Variants in RABL3 observed in about 807,000 individuals in gnomAD.
The protein encoded by RABL3 is RAB, member of RAS oncogene family like 3, also known as rab-like protein 3.
Under a neutral mutation model 31.8 loss-of-function variants are expected in RABL3, and 31 were observed. The observed-to-expected ratio is 0.97, with a 90% CI of 0.73 to 1.31. The LOEUF is 1.31. RABL3 is among the 40% of genes most tolerant of loss of function. The probability of loss-of-function intolerance (pLI) is 0.00; values close to 1 mark genes in which losing one functional copy is unlikely to be tolerated. For missense variants in RABL3, 263 were observed against 279.6 expected, an observed-to-expected ratio of 0.94 and a Z score of 0.42; for synonymous variants, 97 against 99.9, an observed-to-expected ratio of 0.97 and a Z score of 0.18.
At chr3:120,722,259 T>G (rs1390001595) in intron 2 of RABL3, 1 of 152,156 alleles carries the variant, frequency 6.6e-6, no homozygotes, top group Non-Finnish European at 1.5e-5. Flanking sequence ...TTAGAGTGGT[T>G]ATGTGGCTGC....
intron 4 of RABL3, among the ~76,000 whole-genome samples, chr3:120,704,930 G>A (rs1321596645): frequency 1.3e-5 from 2 of 152,088 alleles, no homozygotes; most frequent in Non-Finnish European, 2.9e-5. Context: ...GGAGGCCGAG[G>A]CACAATAATT....
intron 3 of RABL3, among the ~76,000 whole-genome samples, chr3:120,708,037 G>C (rs1365913795): frequency 6.6e-6 from 1 of 152,026 alleles, no homozygotes; most frequent in Non-Finnish European, 1.5e-5. Flanking sequence ...GGTATTAAGG[G>C]AAGAAAGTTA....
chr3:120,741,742 C>T (rs1281247172), intron 1 of RABL3, among the ~76,000 whole-genome samples: 1 of 152,168 alleles, frequency 6.6e-6, no homozygotes, highest in African/African-American at 2.4e-5. Flanking sequence ...CTAGCTGCTT[C>T]AGAATAAAAC....
rs576944233 is a variant in RABL3 at position 120,687,687 on chromosome 3, C to T, written c.*2136G>A. ...GAAAACTATAATTCAAGGAATCAAG[C>T]TTGGCTGCAGAAAGTAATGGAGTTG... On this transcript the variant is annotated 3_prime_UTR_variant, in exon 8 of 8. Coordinates refer to ENST00000273375, the MANE Select transcript of RABL3 (RefSeq NM_173825.5). 1 of 152,100 alleles carries T rather than the reference C, an allele frequency of 6.6e-6. No homozygotes were observed. Among genetic ancestry groups the T allele is most frequent in the African/African-American group, 2.4e-5 (1 of 41,532 alleles). 9.4% of individuals were successfully genotyped at this position (152,100 alleles called of 1,614,324 possible).
intron 4 of RABL3, among the ~76,000 whole-genome samples, chr3:120,702,794 T>C (rs80024993): frequency 3.3e-5 from 5 of 152,094 alleles, no homozygotes; most frequent in African/African-American, 1.2e-4. Flanking sequence ...CCTGACCTCA[T>C]GATCCGCCCG....
intron 1 of RABL3, among the ~76,000 whole-genome samples, chr3:120,741,102 G>A (rs918944260): frequency 3.3e-5 from 5 of 152,166 alleles, no homozygotes; most frequent in Non-Finnish European, 5.9e-5. Context: ...CCCACTTAAC[G>A]TATCATGAAG....
rs752814480 is a variant in RABL3, at chr3:120,684,983, A to G, written c.*4840T>C. 2.6e-5 allele frequency among the ~76,000 whole-genome samples: 4 copies of G among 152,236 alleles called. No individual in the cohort carries two copies. Among genetic ancestry groups the G allele is most frequent in the Non-Finnish European group, 5.9e-5 (4 of 68,050 alleles). On this transcript the variant is annotated 3_prime_UTR_variant, in exon 8 of 8. Coordinates refer to ENST00000273375, the MANE Select transcript of RABL3 (RefSeq NM_173825.5). ...GCTTTCCATTTTAATTAATGTAATT[A>G]TACATTCATTTATTTAACAATTTTT... is the stretch of plus-strand genomic sequence containing the variant.
intron 2 of RABL3, among the ~76,000 whole-genome samples, chr3:120,718,425 G>A (rs911094242): frequency 6.6e-6 from 1 of 152,148 alleles, no homozygotes; most frequent in Non-Finnish European, 1.5e-5. Context: ...TCGTTAATAT[G>A]TACTAGCTTC....
chr3:120,709,605 A>G (rs1311099665), intron 3 of RABL3, among the ~76,000 whole-genome samples, 175 bp downstream of exon 3: 2 of 150,970 alleles, frequency 1.3e-5, no homozygotes, highest in Admixed American at 6.6e-5. Flanking sequence ...TCTGAATTAG[A>G]TGGTTACAAT....
chr3:120,701,698 C>CAT, intron 4 of RABL3, among the ~76,000 whole-genome samples: 1 of 152,240 alleles, frequency 6.6e-6, no homozygotes, highest in East Asian at 1.9e-4. Context: ...CTGGAATCTA[C>CAT]ATATATATAC....
At chr3:120,734,788 T>A (rs554944157) in intron 1 of RABL3, among the ~76,000 whole-genome samples, 1 of 152,360 alleles carries the variant, frequency 6.6e-6, no homozygotes, top group East Asian at 1.9e-4. Flanking sequence ...CTTTTCTGCA[T>A]CTATTGAGAT....
intron 5 of RABL3, among the ~76,000 whole-genome samples, chr3:120,695,659 C>G (rs1559811274): frequency 6.6e-6 from 1 of 152,080 alleles, no homozygotes. Flanking sequence ...ATTGCACTAA[C>G]TATGGTATTT....
chr3:120,720,541 C>G (rs973223909), intron 2 of RABL3, among the ~76,000 whole-genome samples: 2 of 152,122 alleles, frequency 1.3e-5, no homozygotes. Context: ...GACGAATGCA[C>G]AAGCCTCAGT....
chr3:120,722,093 TA>T (rs1419839872), intron 2 of RABL3: 4 of 152,194 alleles, frequency 2.6e-5, no homozygotes, highest in African/African-American at 9.7e-5. Flanking sequence ...ACCCCGATGT[TA>T]TTCTGACTAC....
intron 4 of RABL3, among the ~76,000 whole-genome samples, chr3:120,699,575 A>G (rs1327379181): frequency 6.6e-6 from 1 of 152,208 alleles, no homozygotes; most frequent in Admixed American, 6.5e-5. Flanking sequence ...CAGTAAATCA[A>G]TATTGCATAA....
intron 2 of RABL3, among the ~76,000 whole-genome samples, chr3:120,723,202 A>G (rs527840521): frequency 6.6e-6 from 1 of 152,370 alleles, no homozygotes; most frequent in African/African-American, 2.4e-5. Context: ...ATCTAGAAGA[A>G]ATGGATAAAT....
chr3:120,696,372 T>G (rs988600832), intron 5 of RABL3, among the ~76,000 whole-genome samples: 46 of 152,196 alleles, frequency 3.0e-4, no homozygotes, highest in African/African-American at 1.0e-3. Context: ...TTGAAACTCT[T>G]GTATTCAATT....
In RABL3 at chr3:120,687,102, A is replaced by T. The variant is rs1034699264; in HGVS notation, c.*2721T>A. 1 of 152,232 alleles carries T rather than the reference A, an allele frequency of 6.6e-6. No homozygotes were observed. Among genetic ancestry groups the T allele is most frequent in the African/African-American group, 2.4e-5 (1 of 41,466 alleles). 9.4% of individuals were successfully genotyped at this position (152,232 alleles called of 1,614,324 possible). On this transcript the variant is annotated 3_prime_UTR_variant, in exon 8 of 8. Transcript: ENST00000273375. ...CCATCAACGTTAAGATGGAGAGACC[A>T]GCCCAAATCTTTAGTTGGATTCCAG...
At chr3:120,727,505 TTC>T (rs1347844141) in intron 2 of RABL3, among the ~76,000 whole-genome samples, 1 of 152,106 alleles carries the variant, frequency 6.6e-6, no homozygotes, top group African/African-American at 2.4e-5. Flanking sequence ...CACCTGTGAA[TTC>T]TTTCAAATAT....
Sources: allele counts gnomAD v4.1 joint callset (sites outside exome capture counted in the v4.1 genomes callset), GRCh38; gene constraint gnomAD v4.1.1; transcripts MANE v1.5; gene names NCBI Gene and HGNC (gene_info 2026-07-23, HGNC 2026-07-21).